The following PIK3C2G variants were observed in gnomAD, a reference collection of about 807,000 sequenced individuals.
PIK3C2G encodes phosphatidylinositol 3-kinase C2 domain-containing subunit gamma.
Under a neutral mutation model 181.1 loss-of-function variants are expected in PIK3C2G, and 168 were observed. That is an observed-to-expected ratio of 0.93 (90% CI 0.82 to 1.05). The LOEUF (loss-of-function observed/expected upper bound fraction) is 1.05. Among genes scored for constraint, PIK3C2G ranks in the 50% least tolerant of loss-of-function variants. The probability of loss-of-function intolerance (pLI) is 0.00; values close to 1 mark genes in which losing one functional copy is unlikely to be tolerated. For missense variants in PIK3C2G, 1,869 were observed against 1,732.8 expected, an observed-to-expected ratio of 1.08 and a Z score of -1.40; for synonymous variants, 573 against 592.2, an observed-to-expected ratio of 0.97 and a Z score of 0.47.
At chr12:18,656,589 A>G in the PIK3C2G span, among the ~76,000 whole-genome samples, 1 of 151,868 alleles carries the variant, frequency 6.6e-6, no homozygotes, top group East Asian at 1.9e-4. Flanking sequence ...AAAATAAAAT[A>G]GCCAGGCATG....
chr12:18,599,663 T>A (rs1389751340), intron 30 of PIK3C2G, among the ~76,000 whole-genome samples: 1 of 143,734 alleles, frequency 7.0e-6, no homozygotes, highest in Admixed American at 6.9e-5. Flanking sequence ...AATGAATGAA[T>A]AAATAAATAA....
intron 18 of PIK3C2G, among the ~76,000 whole-genome samples, chr12:18,486,392 C>T (rs940906721): frequency 4.6e-5 from 7 of 152,094 alleles, no homozygotes; most frequent in Non-Finnish European, 8.8e-5. Flanking sequence ...TGAGTTTTTC[C>T]TCCTTGAACC....
chr12:18,712,917 T>C, the PIK3C2G span: 1 of 1,613,952 alleles, frequency 6.2e-7, no homozygotes. Context: ...AGCCATGATA[T>C]ACAACAGGTT....
At chr12:18,480,593 CAGA>C (rs1174555007) in intron 18 of PIK3C2G, among the ~76,000 whole-genome samples, 3 of 152,226 alleles carry the variant, frequency 2.0e-5, no homozygotes, top group Admixed American at 2.0e-4. Context: ...AAGAATGGGG[CAGA>C]AGAAGCTTTC....
intron 24 of PIK3C2G, among the ~76,000 whole-genome samples, chr12:18,508,162 A>G (rs890449238): frequency 4.6e-5 from 7 of 152,158 alleles, no homozygotes; most frequent in African/African-American, 7.2e-5. Context: ...AAGGAGGCCA[A>G]CTGCAGCTCC....
intron 24 of PIK3C2G, among the ~76,000 whole-genome samples, chr12:18,510,620 C>G (rs1942144012): frequency 6.6e-6 from 1 of 151,998 alleles, no homozygotes; most frequent in Non-Finnish European, 1.5e-5. Flanking sequence ...TTGTAGCTTT[C>G]TTTCTAGATA....
chr12:18,667,540 T>G, the PIK3C2G span, among the ~76,000 whole-genome samples: 1 of 152,172 alleles, frequency 6.6e-6, no homozygotes, highest in African/African-American at 2.4e-5. Context: ...AAAACATATT[T>G]AAGACTTTTT....
intron 12 of PIK3C2G, among the ~76,000 whole-genome samples, chr12:18,367,578 G>A (rs1222466170): frequency 6.6e-6 from 1 of 151,890 alleles, no homozygotes; most frequent in African/African-American, 2.4e-5. Context: ...TTTTGAGATG[G>A]AGTTTCACTC....
At chr12:18,452,552 G>C (rs935105479) in intron 18 of PIK3C2G, among the ~76,000 whole-genome samples, 1 of 150,556 alleles carries the variant, frequency 6.6e-6, no homozygotes, top group African/African-American at 2.4e-5. Flanking sequence ...AGGGTTTCTT[G>C]TGTCTCTATC....
chr12:18,487,271 G>A (rs1340825754), intron 18 of PIK3C2G, among the ~76,000 whole-genome samples: 1 of 151,936 alleles, frequency 6.6e-6, no homozygotes, highest in African/African-American at 2.4e-5. Flanking sequence ...TTAAAAAACT[G>A]CAAACTCATT....
At position 18,396,020 on chromosome 12, in the gene PIK3C2G, A is replaced by C. The variant is rs1226375899; in HGVS notation, c.2127-3639A>C. 2.0e-5 allele frequency among the ~76,000 whole-genome samples: 3 copies of C among 151,752 alleles called. No individual in the cohort carries two copies. The East Asian group carries it at 5.8e-4, about 29-fold the overall frequency. On this transcript the variant is annotated intron_variant, in intron 15 of 32. Coordinates refer to ENST00000538779, the MANE Select transcript of PIK3C2G (RefSeq NM_001288772.2). ...CATAGAAACTAATAGCAGTACAGTG[A>C]GCCTTTGGTATGGTTAGGTAATCAT...
chr12:18,478,894 G>C (rs1163060283), intron 18 of PIK3C2G, among the ~76,000 whole-genome samples: 1 of 151,256 alleles, frequency 6.6e-6, no homozygotes, highest in Non-Finnish European at 1.5e-5. Flanking sequence ...AGGTTCAGTG[G>C]AGCCTGTGAA....
rs374906209 is a variant in PIK3C2G, at chr12:18,421,920, T to TA, written c.2409+892dup. 2.0e-5 allele frequency among the ~76,000 whole-genome samples: 3 copies of TA among 152,022 alleles called. No individual in the cohort carries two copies. The East Asian group carries it at 5.8e-4, about 29-fold the overall frequency. On this transcript the variant is annotated intron_variant, in intron 17 of 32. Transcript: ENST00000538779. ...TTATGAATTTCTCTGAAGTTCTCCT[T>TA]AAAAAAGAGAGCTGGTTTAGAAATA...
chr12:18,540,612 T>A (rs1944102013), intron 25 of PIK3C2G, among the ~76,000 whole-genome samples: 3 of 152,014 alleles, frequency 2.0e-5, no homozygotes, highest in Admixed American at 2.0e-4. Flanking sequence ...CTGTGGTATT[T>A]TATTCATAAG....
chr12:18,431,111 CCT>C (rs1946132789), intron 18 of PIK3C2G, among the ~76,000 whole-genome samples: 1 of 152,080 alleles, frequency 6.6e-6, no homozygotes, highest in South Asian at 2.1e-4. Context: ...ATACGTATCC[CCT>C]AATGCCTGAA....
intron 15 of PIK3C2G, among the ~76,000 whole-genome samples, chr12:18,397,280 AT>A (rs1943953499): frequency 6.6e-6 from 1 of 152,038 alleles, no homozygotes; most frequent in African/African-American, 2.4e-5. Flanking sequence ...AAAGAAAGTA[AT>A]AACTATTTAA....
chr12:18,478,020 G>A (rs1939176110), intron 18 of PIK3C2G, among the ~76,000 whole-genome samples: 2 of 152,064 alleles, frequency 1.3e-5, no homozygotes, highest in African/African-American at 4.8e-5. Flanking sequence ...ATATAGCAAA[G>A]GAATTGCCTT....
At position 18,648,387 on chromosome 12, in the gene PIK3C2G, C is replaced by G; in HGVS notation, c.*359C>G. Reference sequence around the variant, plus strand: ...TTTTTAATGTATTTTATAAGAAAGACAATCAAATAAACCTCATCAATTAAT... The same window carrying G: ...TTTTTAATGTATTTTATAAGAAAGAGAATCAAATAAACCTCATCAATTAAT... On this transcript the variant is annotated 3_prime_UTR_variant, in exon 33 of 33. Coordinates refer to ENST00000538779, the MANE Select transcript of PIK3C2G (RefSeq NM_001288772.2). 9.1e-6 allele frequency: 2 copies of G among 219,280 alleles called. No homozygotes were observed. Among genetic ancestry groups the G allele is most frequent in the East Asian group, 1.4e-4 (2 of 14,814 alleles). The allele number at this position is 219,280 out of a possible 1,614,324, so 13.6% of individuals were successfully genotyped here. A position where few individuals can be genotyped will look rare whatever the true frequency, so the allele number is the denominator to read the frequency against.
intron 11 of PIK3C2G, among the ~76,000 whole-genome samples, chr12:18,356,364 A>T (rs1368320073): frequency 4.6e-5 from 7 of 152,110 alleles, no homozygotes; most frequent in African/African-American, 1.7e-4. Flanking sequence ...GAGGGGGAAC[A>T]CGCCGGTGAC....
Sources: allele counts gnomAD v4.1 joint callset (sites outside exome capture counted in the v4.1 genomes callset), GRCh38; gene constraint gnomAD v4.1.1; transcripts MANE v1.5; gene names NCBI Gene and HGNC (gene_info 2026-07-23, HGNC 2026-07-21).